The following RUNDC3B variants were observed in gnomAD, a reference collection of about 807,000 sequenced individuals.
The protein encoded by RUNDC3B is RUN domain containing 3B, also known as RUN domain-containing protein 3B.
A neutral mutation model predicts 58.4 loss-of-function variants in RUNDC3B; 33 were observed. That is an observed-to-expected ratio of 0.56 (90% CI 0.43 to 0.75). RUNDC3B has a LOEUF of 0.75. Among genes scored for constraint, RUNDC3B ranks in the 30% least tolerant of loss-of-function variants. RUNDC3B has a pLI of 0.00. For synonymous variants in RUNDC3B, 193 were observed against 195.2 expected, an observed-to-expected ratio of 0.99 and a Z score of 0.10; for missense variants, 501 against 535.7, an observed-to-expected ratio of 0.94 and a Z score of 0.64.
intron 8 of RUNDC3B, among the ~76,000 whole-genome samples, chr7:87,786,668 A>T (rs145180265): frequency 0.016 from 2,366 of 152,176 alleles, 41 homozygotes; most frequent in South Asian, 0.024. Flanking sequence ...AATGCTTTTA[A>T]CATAAAATAA....
chr7:87,742,575 A>ATAG lies in RUNDC3B; in HGVS notation c.629+996_629+997insTAG, dbSNP rs1554481536. Among the ~76,000 whole-genome samples, 15 of 147,854 alleles carry ATAG rather than the reference A, an allele frequency of 1.0e-4. No homozygotes were observed. In the South Asian group the frequency reaches 1.3e-3, roughly 13 times the overall value. On this transcript the variant is annotated intron_variant, in intron 6 of 10. Transcript: ENST00000394654. Reference sequence around the variant, plus strand: ...GCTGCGTAGTATTCCATCATAGATAAATAGATAGATAGATAGATAGATAGA... The same window carrying ATAG: ...GCTGCGTAGTATTCCATCATAGATAATAGATAGATAGATAGATAGATAGATAGA...
chr7:87,701,210 GA>G (rs1162998618), intron 3 of RUNDC3B, among the ~76,000 whole-genome samples: 1 of 152,092 alleles, frequency 6.6e-6, no homozygotes, highest in African/African-American at 2.4e-5. Context: ...TTACTGAAAA[GA>G]AAAACTTATA....
chr7:87,683,580 G>A (rs1445781840), intron 2 of RUNDC3B, among the ~76,000 whole-genome samples: 1 of 152,176 alleles, frequency 6.6e-6, no homozygotes, highest in African/African-American at 2.4e-5. Flanking sequence ...CCGGTAGCTG[G>A]AGCATTCAGA....
At chr7:87,777,237 C>A (rs965994311) in intron 7 of RUNDC3B, among the ~76,000 whole-genome samples, 1 of 152,124 alleles carries the variant, frequency 6.6e-6, no homozygotes, top group Non-Finnish European at 1.5e-5. Context: ...TGTATTGATT[C>A]ATTTAATCCT....
At chr7:87,788,937 C>G (rs1389645181) in intron 8 of RUNDC3B, among the ~76,000 whole-genome samples, 1 of 151,960 alleles carries the variant, frequency 6.6e-6, no homozygotes, top group Non-Finnish European at 1.5e-5. Flanking sequence ...TTGAGAATAT[C>G]GACAATAATA....
chr7:87,665,436 A>G (rs971748858), intron 2 of RUNDC3B, among the ~76,000 whole-genome samples: 7 of 151,362 alleles, frequency 4.6e-5, no homozygotes, highest in Middle Eastern at 3.4e-3. Context: ...TAAATTGTAG[A>G]AGACACAAAT....
chr7:87,803,934 G>C (rs371098874), intron 8 of RUNDC3B, among the ~76,000 whole-genome samples: 1 of 151,964 alleles, frequency 6.6e-6, no homozygotes, highest in East Asian at 1.9e-4. Context: ...ATATGTTGAG[G>C]AGATTCAGCA....
intron 2 of RUNDC3B, among the ~76,000 whole-genome samples, chr7:87,671,987 G>A (rs528204990): frequency 2.0e-5 from 3 of 152,294 alleles, no homozygotes; most frequent in Admixed American, 2.0e-4. Context: ...ACCCACTTAA[G>A]CAGTTTGGCC....
At chr7:87,637,730 A>G (rs1021381097) in intron 1 of RUNDC3B, among the ~76,000 whole-genome samples, 51 of 152,046 alleles carry the variant, frequency 3.4e-4, no homozygotes, top group African/African-American at 1.2e-3. Flanking sequence ...TGGTATATCG[A>G]TATAAATTTG....
intron 2 of RUNDC3B, among the ~76,000 whole-genome samples, chr7:87,690,175 A>AT (rs1191126940): frequency 6.6e-6 from 1 of 151,998 alleles, no homozygotes; most frequent in Non-Finnish European, 1.5e-5. Flanking sequence ...TGTAGTACAG[A>AT]TATATTTGAT....
Position 87,640,236 on chromosome 7 carries a change from A to G in RUNDC3B, c.123-10586A>G, listed in dbSNP as rs1361398860. On this transcript the variant is annotated intron_variant, in intron 1 of 10. Coordinates refer to ENST00000394654, the MANE Select transcript of RUNDC3B (RefSeq NM_001134405.2). ...AAATCTTACATTATTTTATTACCAT[A>G]TTTTTTTACAGTAGGTATTTAGGAA... Among the ~76,000 whole-genome samples, 5 of 150,476 alleles carry G rather than the reference A, an allele frequency of 3.3e-5. No individual in the cohort carries two copies. In the South Asian group the frequency reaches 8.3e-4, roughly 25 times the overall value.
chr7:87,690,154 T>A (rs1585111632), intron 2 of RUNDC3B, among the ~76,000 whole-genome samples: 1 of 152,178 alleles, frequency 6.6e-6, no homozygotes, highest in East Asian at 1.9e-4. Flanking sequence ...TATAAGAACC[T>A]GAGATGACCC....
intron 2 of RUNDC3B, among the ~76,000 whole-genome samples, chr7:87,657,196 G>C (rs951838360): frequency 1.1e-4 from 16 of 152,088 alleles, no homozygotes; most frequent in Admixed American, 4.6e-4. Flanking sequence ...CACAGTAGTG[G>C]GTTGCCTGGA....
intron 6 of RUNDC3B, among the ~76,000 whole-genome samples, chr7:87,754,886 C>G (rs1022580209): frequency 5.4e-5 from 8 of 148,260 alleles, no homozygotes; most frequent in African/African-American, 1.0e-4. Context: ...AAATTGATTA[C>G]CTGAACAGAA....
intron 8 of RUNDC3B, among the ~76,000 whole-genome samples, chr7:87,791,369 G>A (rs1246614541): frequency 6.6e-6 from 1 of 152,090 alleles, no homozygotes; most frequent in African/African-American, 2.4e-5. Flanking sequence ...GGATGTTAAT[G>A]AGTAAGAAGA....
At chr7:87,818,776 C>G (rs1028006416) in intron 10 of RUNDC3B, among the ~76,000 whole-genome samples, 1 of 152,042 alleles carries the variant, frequency 6.6e-6, no homozygotes, top group Non-Finnish European at 1.5e-5. Context: ...TTAGATTGAT[C>G]AAAAATCACC....
chr7:87,710,517 G>A (rs564705682), intron 3 of RUNDC3B, 53 bp from the exon 4 acceptor site: 13 of 1,080,342 alleles, frequency 1.2e-5, no homozygotes, highest in Non-Finnish European at 1.8e-5. Flanking sequence ...TGGCACAGTG[G>A]CAAAATATTT....
At chr7:87,703,747 A>G (rs1466047179) in intron 3 of RUNDC3B, among the ~76,000 whole-genome samples, 1 of 151,788 alleles carries the variant, frequency 6.6e-6, no homozygotes, top group African/African-American at 2.4e-5. Context: ...TGTCCCAACT[A>G]TTGTCCTTTG....
intron 2 of RUNDC3B, among the ~76,000 whole-genome samples, chr7:87,688,567 C>T (rs1401107729): frequency 6.6e-6 from 1 of 151,612 alleles, no homozygotes; most frequent in East Asian, 1.9e-4. Context: ...TATATAAACC[C>T]ATTTTGATCA....
Sources: allele counts gnomAD v4.1 joint callset (sites outside exome capture counted in the v4.1 genomes callset), GRCh38; gene constraint gnomAD v4.1.1; transcripts MANE v1.5; gene names NCBI Gene and HGNC (gene_info 2026-07-23, HGNC 2026-07-21).